Variants in CIB4 observed in about 807,000 individuals in gnomAD.
CIB4 encodes calcium and integrin-binding family member 4.
A neutral mutation model predicts 25.8 loss-of-function variants in CIB4; 25 were observed. The ratio of observed to expected loss-of-function variants is 0.97; its 90% CI spans 0.71 to 1.35. The LOEUF is 1.35. Among genes scored for constraint, CIB4 ranks in the 40% most tolerant of loss-of-function variants. The pLI is 0.00. For synonymous variants in CIB4, 75 were observed against 81.4 expected, an observed-to-expected ratio of 0.92 and a Z score of 0.42; for missense variants, 235 against 228.2, an observed-to-expected ratio of 1.03 and a Z score of -0.19.
chr2:26,612,405 G>A (rs1483957328), intron 3 of CIB4, among the ~76,000 whole-genome samples: 1 of 152,224 alleles, frequency 6.6e-6, no homozygotes. Context: ...GGGTAACTAG[G>A]ATGCAGTGGA....
At position 26,617,147 on chromosome 2, in the gene CIB4, T is replaced by TGTGTGTGTGCGCGCGC. The variant is rs10665609; in HGVS notation, c.186+12262_186+12263insGCGCGCGCACACACAC. Among the ~76,000 whole-genome samples the TGTGTGTGTGCGCGCGC allele has an allele frequency of 1.4e-3, 207 of 150,530 alleles. 4 individuals carry two copies. The South Asian group carries it at 0.024, about 17-fold the overall frequency. The stretch of plus-strand genomic sequence containing the variant: ...GTGTGTGTGTGTGTGTGTGTGTGTG[T>TGTGTGTGTGCGCGCGC]GCACGTGAGCGTGGGTGGGCATGAT... On this transcript the variant is annotated intron_variant, in intron 3 of 6. Coordinates refer to ENST00000288861, the MANE Select transcript of CIB4 (RefSeq NM_001029881.3).
rs770951282 is a variant in CIB4 at position 26,641,253 on chromosome 2, C to G, written c.54+8G>C. 1.2e-6 allele frequency: 2 copies of G among 1,611,448 alleles called. No homozygotes were observed. The highest frequency in any genetic ancestry group is 1.7e-5 in the Admixed American group (1 of 60,004). ...CTCTGCCCAGAGTCCCTAGCCCGAT[C>G]TACCCACCTGGTACTCTTCCAGGTC... On this transcript the variant is annotated splice_region_variant and intron_variant, in intron 1 of 6. Transcript: ENST00000288861.
chr2:26,614,017 C>T (rs1669046633), intron 3 of CIB4, among the ~76,000 whole-genome samples: 1 of 152,220 alleles, frequency 6.6e-6, no homozygotes, highest in Admixed American at 6.5e-5. Flanking sequence ...CGTCTCCTCC[C>T]TGTGGAGGCA....
intron 3 of CIB4, among the ~76,000 whole-genome samples, chr2:26,622,835 T>G (rs1353379019): frequency 6.6e-6 from 1 of 151,760 alleles, no homozygotes; most frequent in African/African-American, 2.4e-5. Flanking sequence ...ATACAAAAAT[T>G]AGCCAGGCAT....
chr2:26,606,288 G>A (rs912765854), intron 3 of CIB4, among the ~76,000 whole-genome samples: 6 of 152,202 alleles, frequency 3.9e-5, no homozygotes, highest in South Asian at 2.1e-4. Flanking sequence ...TCAATCAAGC[G>A]CACGCAAAGT....
chr2:26,611,006 C>A (rs1462674809), intron 3 of CIB4, among the ~76,000 whole-genome samples: 2 of 152,154 alleles, frequency 1.3e-5, no homozygotes, highest in Admixed American at 1.3e-4. Flanking sequence ...GGCTGAGAGT[C>A]CAGGAACAAG....
intron 2 of CIB4, among the ~76,000 whole-genome samples, chr2:26,632,496 C>T (rs1159919440): frequency 6.6e-6 from 1 of 152,146 alleles, no homozygotes; most frequent in East Asian, 1.9e-4. Context: ...GTGGCTCCTG[C>T]CTGTAATCCC....
intron 3 of CIB4, among the ~76,000 whole-genome samples, chr2:26,601,228 AAAAATATATATAT>A (rs55928805): frequency 0.39 from 31,270 of 79,634 alleles, 5,794 homozygotes; most frequent in Admixed American, 0.47. Flanking sequence ...AAAAAAAAAA[AAAAATATATATAT>A]ATATATATAT....
chr2:26,616,604 C>T (rs1224775030), intron 3 of CIB4, among the ~76,000 whole-genome samples: 2 of 152,148 alleles, frequency 1.3e-5, no homozygotes, highest in Non-Finnish European at 2.9e-5. Flanking sequence ...CTGTCAGGAG[C>T]TGGACCTAAG....
At chr2:26,637,106 C>A (rs1669547194) in intron 2 of CIB4, among the ~76,000 whole-genome samples, 1 of 152,196 alleles carries the variant, frequency 6.6e-6, no homozygotes, top group African/African-American at 2.4e-5. Flanking sequence ...CAGCTCTCCC[C>A]AGATGGTTAG....
chr2:26,618,714 G>A (rs566589016), intron 3 of CIB4, among the ~76,000 whole-genome samples: 29 of 152,326 alleles, frequency 1.9e-4, no homozygotes, highest in African/African-American at 6.3e-4. Flanking sequence ...TGGGTACTCC[G>A]AGGGCCTGGT....
rs968106745 is a variant in CIB4 at position 26,629,652 on chromosome 2, G to A, written c.90-146C>T. 5 of 638,714 alleles carry A rather than the reference G, an allele frequency of 7.8e-6. No homozygotes were observed. The East Asian group carries it at 8.2e-5, about 11-fold the overall frequency. The allele number at this position is 638,714 out of a possible 1,614,324, so 39.6% of individuals were successfully genotyped here. On this transcript the variant is annotated intron_variant, in intron 2 of 6. Coordinates refer to ENST00000288861, the MANE Select transcript of CIB4 (RefSeq NM_001029881.3). ...AGGAGACTTGGGGTTGGCTGACACAGAAAAGGCAGTAATCAATAATAATAA... is the reference window on the plus strand; with the variant it reads ...AGGAGACTTGGGGTTGGCTGACACAAAAAAGGCAGTAATCAATAATAATAA...
intron 3 of CIB4, among the ~76,000 whole-genome samples, chr2:26,625,643 T>C (rs955241950): frequency 2.6e-5 from 4 of 152,228 alleles, no homozygotes; most frequent in African/African-American, 7.2e-5. Flanking sequence ...TGAGCCACTG[T>C]GCCCACCTGT....
intron 2 of CIB4, among the ~76,000 whole-genome samples, chr2:26,630,019 C>T (rs1338230284): frequency 4.6e-5 from 7 of 152,230 alleles, no homozygotes; most frequent in African/African-American, 1.7e-4. Flanking sequence ...CAGCAAACCA[C>T]CAGCCTTGCT....
At chr2:26,593,134 T>C (rs1013007703) in intron 4 of CIB4, among the ~76,000 whole-genome samples, 2 of 152,160 alleles carry the variant, frequency 1.3e-5, no homozygotes, top group African/African-American at 4.8e-5. Flanking sequence ...TCTTCTCCCA[T>C]CCACAGACAT....
At chr2:26,618,163 A>G (rs1384289081) in intron 3 of CIB4, among the ~76,000 whole-genome samples, 2 of 152,146 alleles carry the variant, frequency 1.3e-5, no homozygotes, top group East Asian at 3.9e-4. Context: ...CCCCGACCTC[A>G]TCTCAGGTGG....
intron 4 of CIB4, among the ~76,000 whole-genome samples, chr2:26,586,036 C>T (rs1425963282): frequency 6.6e-6 from 1 of 152,192 alleles, no homozygotes; most frequent in East Asian, 1.9e-4. Flanking sequence ...CCCCGCACTT[C>T]CCATGCACTA....
intron 4 of CIB4, among the ~76,000 whole-genome samples, chr2:26,587,017 G>T (rs971497891): frequency 1.3e-5 from 2 of 152,040 alleles, no homozygotes; most frequent in Non-Finnish European, 2.9e-5. Flanking sequence ...GGCCCGGCAC[G>T]GTGGATTACA....
At chr2:26,641,027 A>G (rs1669625594) in intron 1 of CIB4, among the ~76,000 whole-genome samples, 1 of 152,182 alleles carries the variant, frequency 6.6e-6, no homozygotes, top group South Asian at 2.1e-4. Flanking sequence ...ATATTTGTAA[A>G]CTTTCTTAAA....
Sources: gnomAD v4.1 joint callset for allele counts (sites outside exome capture counted in the v4.1 genomes callset) on GRCh38, gnomAD v4.1.1 for gene constraint, MANE v1.5 for transcripts, NCBI Gene and HGNC (gene_info 2026-07-23, HGNC 2026-07-21) for gene names.